The following EYS variants were observed in gnomAD, a reference collection of about 807,000 sequenced individuals.
EYS encodes the protein EGF-like photoreceptor maintenance factor, also known as protein eyes shut homolog.
A neutral mutation model predicts 282.1 loss-of-function variants in EYS; 250 were observed. The observed-to-expected ratio is 0.89, with a 90% CI of 0.80 to 0.98. The LOEUF (loss-of-function observed/expected upper bound fraction) is 0.98, where lower values mean the gene tolerates loss of function less well. Among genes scored for constraint, EYS ranks in the 50% least tolerant of loss-of-function variants. EYS has a pLI of 0.00. For synonymous variants in EYS, 1,355 were observed against 1,282.9 expected, an observed-to-expected ratio of 1.06 and a Z score of -1.20; for missense variants, 4,016 against 3,709.0, an observed-to-expected ratio of 1.08 and a Z score of -2.15.
rs915281215 is a variant in EYS, at chr6:65,650,392, T to G, written c.-447-10500A>C. On this transcript the variant is annotated intron_variant, in intron 1 of 42. Transcript: ENST00000503581. Reference sequence around the variant, plus strand: ...AAACTAAAATCTAGGCTTGAAGAGATTAACACTATTTAGCATGCCAGGCTG... The same window carrying G: ...AAACTAAAATCTAGGCTTGAAGAGAGTAACACTATTTAGCATGCCAGGCTG... Among the ~76,000 whole-genome samples, 13 of 152,282 alleles carry G rather than the reference T, an allele frequency of 8.5e-5. No individual in the cohort carries two copies. The East Asian group carries it at 2.5e-3, about 29-fold the overall frequency.
intron 12 of EYS, among the ~76,000 whole-genome samples, chr6:65,255,446 G>C (rs912316530): frequency 9.2e-5 from 14 of 151,972 alleles, no homozygotes; most frequent in Non-Finnish European, 2.9e-5. Flanking sequence ...CCAGGACATT[G>C]TCTGGGCAAA....
rs566588263 is a variant in EYS at position 64,730,639 on chromosome 6, A to T, written c.3443+82739T>A. Among the ~76,000 whole-genome samples, 347 of 152,068 alleles carry T rather than the reference A, an allele frequency of 2.3e-3. 2 individuals carry two copies. The highest frequency in any genetic ancestry group is 6.8e-3 in the Middle Eastern group (2 of 292). On this transcript the variant is annotated intron_variant, in intron 22 of 42. Coordinates refer to ENST00000503581, the MANE Select transcript of EYS (RefSeq NM_001142800.2). ...ACTACAGGCACGCACCACCATGCCC[A>T]GCTAATTTTTATATTTTTAGTAGAG...
intron 5 of EYS, among the ~76,000 whole-genome samples, chr6:65,463,207 TTC>T (rs1366881309): frequency 6.6e-6 from 1 of 152,118 alleles, no homozygotes; most frequent in Non-Finnish European, 1.5e-5. Context: ...TCTGACATAA[TTC>T]TCTGTTATTA....
At chr6:64,885,915 G>A (rs1474366495) in intron 19 of EYS, among the ~76,000 whole-genome samples, 7 of 151,618 alleles carry the variant, frequency 4.6e-5, no homozygotes, top group Non-Finnish European at 1.5e-5. Flanking sequence ...AATATTAGAT[G>A]TATTTAACTA....
intron 31 of EYS, among the ~76,000 whole-genome samples, chr6:64,162,275 A>G (rs1449232486): frequency 6.6e-6 from 1 of 152,166 alleles, no homozygotes; most frequent in Non-Finnish European, 1.5e-5. Context: ...TTCTGTGGTT[A>G]TTTGATTAAT....
chr6:64,156,121 T>C (rs1774913809), intron 31 of EYS, among the ~76,000 whole-genome samples: 2 of 151,702 alleles, frequency 1.3e-5, no homozygotes, highest in Non-Finnish European at 2.9e-5. Context: ...CACCCAAATA[T>C]CATCTTGAAT....
chr6:65,590,852 A>G (rs1479689164), intron 2 of EYS, among the ~76,000 whole-genome samples: 1 of 151,584 alleles, frequency 6.6e-6, no homozygotes, highest in Non-Finnish European at 1.5e-5. Context: ...GGGTAAATAT[A>G]CCACTTTTTT....
intron 9 of EYS, among the ~76,000 whole-genome samples, chr6:65,353,000 G>T (rs9453264): frequency 0.67 from 102,321 of 151,594 alleles, 34,609 homozygotes; most frequent in South Asian, 0.72. Context: ...CTCTCTTCAG[G>T]GGTCATTTTC....
At chr6:64,244,568 C>A (rs1024384132) in intron 30 of EYS, among the ~76,000 whole-genome samples, 2 of 152,126 alleles carry the variant, frequency 1.3e-5, no homozygotes, top group Admixed American at 1.3e-4. Context: ...ATCTATTCTG[C>A]AAATATAGCC....
At chr6:64,339,097 C>T (rs1466034540) in intron 29 of EYS, among the ~76,000 whole-genome samples, 2 of 151,840 alleles carry the variant, frequency 1.3e-5, no homozygotes, top group Non-Finnish European at 2.9e-5. Context: ...TGACCAAGTA[C>T]CCAAAAGCAA....
At chr6:64,191,032 T>C (rs868798034) in intron 31 of EYS, among the ~76,000 whole-genome samples, 2 of 152,144 alleles carry the variant, frequency 1.3e-5, no homozygotes, top group Non-Finnish European at 1.5e-5. Flanking sequence ...TATCTGTGTT[T>C]TGTGTAGTTT....
intron 31 of EYS, among the ~76,000 whole-genome samples, chr6:64,189,459 A>C (rs1203221764): frequency 6.6e-6 from 1 of 152,258 alleles, no homozygotes; most frequent in Non-Finnish European, 1.5e-5. Context: ...ATTCATTTAC[A>C]TATTGCCCAT....
At chr6:65,544,050 CAG>C (rs1186708027) in intron 2 of EYS, among the ~76,000 whole-genome samples, 6 of 111,268 alleles carry the variant, frequency 5.4e-5, no homozygotes, top group Non-Finnish European at 2.0e-5. Context: ...GAGACAAAGA[CAG>C]AGAGAGAGAG....
chr6:65,197,919 A>G (rs954267615), intron 12 of EYS, among the ~76,000 whole-genome samples: 8 of 152,078 alleles, frequency 5.3e-5, no homozygotes, highest in Non-Finnish European at 8.8e-5. Context: ...AGGCTACATT[A>G]ATTTTTTTTC....
intron 26 of EYS, among the ~76,000 whole-genome samples, chr6:64,453,164 AAAAC>A (rs1412778181): frequency 1.3e-5 from 2 of 149,442 alleles, no homozygotes; most frequent in African/African-American, 2.6e-5. Context: ...TTACAAGAAA[AAAAC>A]AAACAACCCC....
intron 42 of EYS, among the ~76,000 whole-genome samples, chr6:63,722,283 A>T (rs151314427): frequency 6.6e-6 from 1 of 152,190 alleles, no homozygotes; most frequent in East Asian, 1.9e-4. Flanking sequence ...TTTTCTAGGA[A>T]CACTCCGCCA....
At chr6:64,366,442 T>C (rs1409528428) in intron 29 of EYS, among the ~76,000 whole-genome samples, 3 of 152,062 alleles carry the variant, frequency 2.0e-5, no homozygotes, top group African/African-American at 7.2e-5. Context: ...ATGGCTGAAC[T>C]GTAAGCAAAT....
chr6:65,333,903 G>A (rs1769886503), intron 11 of EYS, among the ~76,000 whole-genome samples: 1 of 149,626 alleles, frequency 6.7e-6, no homozygotes, highest in Non-Finnish European at 1.5e-5. Flanking sequence ...TCTTGATGCA[G>A]TTTGAATGAT....
intron 11 of EYS, among the ~76,000 whole-genome samples, chr6:65,317,808 T>G (rs1769337125): frequency 2.4e-5 from 1 of 41,872 alleles, no homozygotes; most frequent in South Asian, 9.1e-4. Context: ...CTTCCTTCCT[T>G]CCTTCCTTCC....
Sources: gnomAD v4.1 joint callset for allele counts (sites outside exome capture counted in the v4.1 genomes callset) on GRCh38, gnomAD v4.1.1 for gene constraint, MANE v1.5 for transcripts, NCBI Gene and HGNC (gene_info 2026-07-23, HGNC 2026-07-21) for gene names.